Variants in SHISA3 observed in about 807,000 individuals in gnomAD.
The protein encoded by SHISA3 is shisa family member 3, also known as protein shisa-3 homolog.
SHISA3 carries 15 observed loss-of-function variants against 19.2 expected under a neutral mutation model. That is an observed-to-expected ratio of 0.78 (90% CI 0.52 to 1.20). The LOEUF (loss-of-function observed/expected upper bound fraction) is 1.20. Among genes scored for constraint, SHISA3 ranks in the 50% most tolerant of loss-of-function variants. SHISA3 has a pLI of 0.00. For missense variants in SHISA3, 327 were observed against 315.7 expected (o/e 1.04, Z -0.27); for synonymous variants, 145 against 135.2 (o/e 1.07, Z -0.50).
Position 42,398,123 on chromosome 4 carries a change from C to A in SHISA3, c.67C>A (p.Gln23Lys), listed in dbSNP as rs747212682. The part of the protein sequence containing the change: ...WLRWGPAGAQ[Q>K]SGEYCHGWVD... ...GCGCTGGGGCCCGGCGGGCGCCCAG[C>A]AGTCCGGAGAGTACTGCCACGGCTG... Residue 23 changes from glutamine to lysine, a missense_variant, in exon 1 of 2, where the codon CAG becomes AAG. Coordinates refer to ENST00000319234, the MANE Select transcript of SHISA3 (RefSeq NM_001080505.3). 6 of 1,602,528 alleles carry A rather than the reference C, an allele frequency of 3.7e-6. No individual in the cohort carries two copies. The East Asian group carries it at 1.1e-4, about 30-fold the overall frequency.
At position 42,397,634 on chromosome 4, in the gene SHISA3, G is replaced by T. The variant is rs1711771174; in HGVS notation, c.-423G>T. ...TTCCTCCGGCTCCTCTCGGGACCCG[G>T]CGATCGCCACAGGTTGGGACTCTGT... On this transcript the variant is annotated 5_prime_UTR_variant, in exon 1 of 2. Coordinates refer to ENST00000319234, the MANE Select transcript of SHISA3 (RefSeq NM_001080505.3). Among the ~76,000 whole-genome samples the T allele has an allele frequency of 6.6e-6, 1 of 152,126 alleles. No homozygotes were observed. Among genetic ancestry groups the T allele is most frequent in the Non-Finnish European group, 1.5e-5 (1 of 68,016 alleles).
intron 1 of SHISA3, among the ~76,000 whole-genome samples, chr4:42,399,791 C>T (rs547203402): frequency 3.9e-5 from 6 of 152,326 alleles, no homozygotes; most frequent in Admixed American, 6.5e-5. Flanking sequence ...TTGTTGGTGA[C>T]GTGAGAGTGT....
chr4:42,401,005 C>A lies in SHISA3; in HGVS notation c.278-7C>A. 1 of 1,611,894 alleles carries A rather than the reference C, an allele frequency of 6.2e-7. No individual in the cohort carries two copies. The highest frequency in any genetic ancestry group is 8.5e-7 in the Non-Finnish European group (1 of 1,178,698). Reference sequence around the variant, plus strand: ...AGCATCTGTTTATGTCTGTTTTTGCCTTTTAGAGCCTGTCTACGTCCCCTT... The same window carrying A: ...AGCATCTGTTTATGTCTGTTTTTGCATTTTAGAGCCTGTCTACGTCCCCTT... On this transcript the variant is annotated splice_polypyrimidine_tract_variant and splice_region_variant and intron_variant, in intron 1 of 1. Transcript: ENST00000319234.
intron 1 of SHISA3, among the ~76,000 whole-genome samples, chr4:42,398,682 C>T (rs1054940661): frequency 2.6e-5 from 4 of 152,168 alleles, no homozygotes; most frequent in African/African-American, 9.6e-5. Flanking sequence ...CCAGGGTAGA[C>T]TTGGGTTTTG....
rs992144734 is a variant in SHISA3, at chr4:42,402,066, A to T, written c.*615A>T. ...AATACAAGGTTTCAATAATCACATG[A>T]GGAGTTTAAAGTTTTAAATATATAC... On this transcript the variant is annotated 3_prime_UTR_variant, in exon 2 of 2. Transcript: ENST00000319234. 1 of 152,242 alleles carries T rather than the reference A, an allele frequency of 6.6e-6. No individual in the cohort carries two copies. The highest frequency in any genetic ancestry group is 2.4e-5 in the African/African-American group (1 of 41,454). The allele number at this position is 152,242 out of a possible 1,614,324, so 9.4% of individuals were successfully genotyped here.
chr4:42,400,930 C>G, intron 1 of SHISA3, 82 bp from the exon 2 acceptor site: 1 of 1,429,400 alleles, frequency 7.0e-7, no homozygotes, highest in East Asian at 2.3e-5. Context: ...TCCCACCTCT[C>G]AACCCTCAGC....
In SHISA3 at chr4:42,401,084, CTATT is replaced by C. The variant is rs780049600; in HGVS notation, c.355_358del (p.Tyr119ValfsTer5). On this transcript the variant is annotated frameshift_variant, in exon 2 of 2. Coordinates refer to ENST00000319234, the MANE Select transcript of SHISA3 (RefSeq NM_001080505.3). LOFTEE classifies it high-confidence loss of function. ...TTCATCATCCTGGGCTCTGTAGTGGCTATTTATTGTTGCACCTGTTTGAGACCCA... is the reference window on the plus strand; with the variant it reads ...TTCATCATCCTGGGCTCTGTAGTGGCTATTGTTGCACCTGTTTGAGACCCA... 2 of 1,614,174 alleles carry C rather than the reference CTATT, an allele frequency of 1.2e-6. No homozygotes were observed. Among genetic ancestry groups the C allele is most frequent in the Non-Finnish European group, 1.7e-6 (2 of 1,180,022 alleles).
At chr4:42,398,451 AGGG>A in intron 1 of SHISA3, 118 bp downstream of exon 1, 1 of 1,144,124 alleles carries the variant, frequency 8.7e-7, no homozygotes, top group Non-Finnish European at 1.2e-6. Flanking sequence ...TCTGTGCGCC[AGGG>A]GGACGCGGCC....
At position 42,401,093 on chromosome 4, in the gene SHISA3, G is replaced by T. The variant is rs569309542; in HGVS notation, c.359G>T (p.Cys120Phe). ...CTGGGCTCTGTAGTGGCTATTTATT[G>T]TTGCACCTGTTTGAGACCCAAGGAG... is the stretch of plus-strand genomic sequence containing the variant. ...IILGSVVAIY[C>F]CTCLRPKEPS... Residue 120 changes from cysteine (C) to phenylalanine (F), a missense_variant, in exon 2 of 2, where the codon TGT (cysteine) becomes TTT (phenylalanine). By Grantham distance (205) the Cys-to-Phe change is radical (BLOSUM62 -2). Coordinates refer to ENST00000319234, the MANE Select transcript of SHISA3 (RefSeq NM_001080505.3). 1.2e-5 allele frequency: 19 copies of T among 1,613,936 alleles called. No homozygotes were observed. In the East Asian group the frequency reaches 3.3e-4, roughly 28 times the overall value.
intron 1 of SHISA3, 91 bp downstream of exon 1, chr4:42,398,424 C>A: frequency 5.3e-6 from 7 of 1,325,974 alleles, no homozygotes; most frequent in Non-Finnish European, 6.0e-6. Flanking sequence ...CCAGGCAGGT[C>A]TATGCGCCTT....
chr4:42,400,984 T>G (rs770709344), intron 1 of SHISA3, 28 bp from the exon 2 acceptor site: 1 of 1,603,022 alleles, frequency 6.2e-7, no homozygotes, highest in Non-Finnish European at 8.5e-7. Flanking sequence ...CATCTGAGCA[T>G]CTGTTTATGT....
intron 1 of SHISA3, among the ~76,000 whole-genome samples, 196 bp from the exon 2 acceptor site, chr4:42,400,816 G>C (rs1364798440): frequency 6.6e-6 from 1 of 152,042 alleles, no homozygotes; most frequent in Non-Finnish European, 1.5e-5. Context: ...CTCCCTGCTA[G>C]GAGTAGCGAG....
Position 42,398,033 on chromosome 4 carries a change from G to C in SHISA3, c.-24G>C, listed in dbSNP as rs771129829. 115 of 1,529,414 alleles carry C rather than the reference G, an allele frequency of 7.5e-5. No individual in the cohort carries two copies. Among genetic ancestry groups the C allele is most frequent in the Non-Finnish European group, 1.0e-4 (114 of 1,141,558 alleles). 94.7% of individuals were successfully genotyped at this position (1,529,414 alleles called of 1,614,324 possible). ...CGCTTTCCAGCTGCGTCCTGCTCCC[G>C]GCCGCCCAGGGAGCCCAGTGGCGAT... On this transcript the variant is annotated 5_prime_UTR_variant, in exon 1 of 2. Transcript: ENST00000319234.
chr4:42,398,190 C>T lies in SHISA3; in HGVS notation c.134C>T (p.Pro45Leu). ...QGNYHEGFQC[P>L]EDFDTLDATI... ...AACTACCACGAGGGCTTCCAGTGCC[C>T]AGAGGACTTCGACACGCTGGACGCT... is the stretch of plus-strand genomic sequence containing the variant. Residue 45 changes from proline (P) to leucine (L), a missense_variant, in exon 1 of 2, where the codon CCA becomes CTA. Pro to Leu is a moderately conservative substitution (Grantham distance 98). Transcript: ENST00000319234. 1 of 1,605,870 alleles carries T rather than the reference C, an allele frequency of 6.2e-7. No homozygotes were observed. Among genetic ancestry groups the T allele is most frequent in the Admixed American group, 1.7e-5 (1 of 59,230 alleles).
At position 42,400,530 on chromosome 4, in the gene SHISA3, G is replaced by A. The variant is rs369608988; in HGVS notation, c.278-482G>A. Among the ~76,000 whole-genome samples the A allele has an allele frequency of 1.4e-4, 22 of 152,214 alleles. No individual in the cohort carries two copies. The East Asian group carries it at 3.5e-3, about 24-fold the overall frequency. ...AAATCCTGGGTCTGTGTGTAGAGGG[G>A]AATCTCATTTAATAGGCCTGGCTCC... is the stretch of plus-strand genomic sequence containing the variant. On this transcript the variant is annotated intron_variant, in intron 1 of 1. Coordinates refer to ENST00000319234, the MANE Select transcript of SHISA3 (RefSeq NM_001080505.3).
intron 1 of SHISA3, among the ~76,000 whole-genome samples, chr4:42,400,498 T>A (rs986960486): frequency 6.6e-6 from 1 of 152,030 alleles, no homozygotes; most frequent in Non-Finnish European, 1.5e-5. Context: ...CTTTCTGGAG[T>A]CTCATAAAAT....
chr4:42,398,300 C>G lies in SHISA3; in HGVS notation c.244C>G (p.Arg82Gly). Residue 82 changes from arginine to glycine, a missense_variant, in exon 1 of 2, where the codon CGC becomes GGC. Physicochemically the swap from Arg to Gly is moderately radical, Grantham distance 125. Coordinates refer to ENST00000319234, the MANE Select transcript of SHISA3 (RefSeq NM_001080505.3). ...RLEQGGCTND[R>G]RELEHPGITA... Reference sequence around the variant, plus strand: ...GGAGCAGGGCGGCTGCACCAACGACCGCCGCGAACTGGAGCACCCAGGCAT... The same window carrying G: ...GGAGCAGGGCGGCTGCACCAACGACGGCCGCGAACTGGAGCACCCAGGCAT... 1 of 1,562,006 alleles carries G rather than the reference C, an allele frequency of 6.4e-7. No individual in the cohort carries two copies. Among genetic ancestry groups the G allele is most frequent in the Non-Finnish European group, 8.7e-7 (1 of 1,154,858 alleles).
At position 42,397,868 on chromosome 4, in the gene SHISA3, A is replaced by G; in HGVS notation, c.-189A>G. The G allele has an allele frequency of 2.0e-6, 1 of 505,786 alleles. No homozygotes were observed. The highest frequency in any genetic ancestry group is 3.4e-6 in the Non-Finnish European group (1 of 295,742). 31.3% of individuals were successfully genotyped at this position (505,786 alleles called of 1,614,324 possible). Reference sequence around the variant, plus strand: ...CACCATGCTGACTCCCGGCCTGCGGAACTCGTAGTGCAGCCCCTGTCGCCT... The same window carrying G: ...CACCATGCTGACTCCCGGCCTGCGGGACTCGTAGTGCAGCCCCTGTCGCCT... On this transcript the variant is annotated 5_prime_UTR_variant, in exon 1 of 2. Coordinates refer to ENST00000319234, the MANE Select transcript of SHISA3 (RefSeq NM_001080505.3).
chr4:42,401,315 C>G lies in SHISA3; in HGVS notation c.581C>G (p.Pro194Arg). ...EPGCLVPSPP[P>R]PYTTSHSIHL... ...GGCTGCCTGGTGCCCTCACCGCCCC[C>G]GCCATACACCACCAGCCACTCAATC... The change falls in exon 2 of 2, where the codon CCG (proline) becomes CGG (arginine). Residue 194 changes from proline (P) to arginine (R), a missense_variant. By Grantham distance (103) the Pro-to-Arg change is moderately radical (BLOSUM62 -2). Transcript: ENST00000319234. 4 of 1,614,192 alleles carry G rather than the reference C, an allele frequency of 2.5e-6. No individual in the cohort carries two copies. Among genetic ancestry groups the G allele is most frequent in the Non-Finnish European group, 3.4e-6 (4 of 1,180,026 alleles).
Sources: gnomAD v4.1 joint callset for allele counts (sites outside exome capture counted in the v4.1 genomes callset) on GRCh38, gnomAD v4.1.1 for gene constraint, MANE v1.5 for transcripts, NCBI Gene and HGNC (gene_info 2026-07-23, HGNC 2026-07-21) for gene names.